Variants in TCERG1 observed in about 807,000 individuals in gnomAD.
The protein encoded by TCERG1 is transcription elongation regulator 1.
TCERG1 carries 37 observed loss-of-function variants against 144.7 expected under a neutral mutation model. That is an observed-to-expected ratio of 0.26 (90% CI 0.20 to 0.34). The LOEUF is 0.34. Among genes scored for constraint, TCERG1 ranks in the 10% least tolerant of loss-of-function variants. The pLI is 1.00. For missense variants in TCERG1, 1,027 were observed against 1,380.7 expected, an observed-to-expected ratio of 0.74 and a Z score of 4.06; for synonymous variants, 492 against 458.2, an observed-to-expected ratio of 1.07 and a Z score of -0.94.
At chr5:146,509,314 C>A in intron 22 of TCERG1, 69 bp downstream of exon 22, 2 of 1,002,896 alleles carry the variant, frequency 2.0e-6, no homozygotes, top group Non-Finnish European at 3.0e-6. Flanking sequence ...ATGGTCAGAG[C>A]ATTCTTTGCA....
In TCERG1 at chr5:146,480,023, T is replaced by C. The variant is rs755485622; in HGVS notation, c.1820-5T>C. The C allele has an allele frequency of 6.3e-7, 1 of 1,597,358 alleles. No individual in the cohort carries two copies. The highest frequency in any genetic ancestry group is 1.3e-5 in the African/African-American group (1 of 74,106). On this transcript the variant is annotated splice_polypyrimidine_tract_variant and splice_region_variant and intron_variant, in intron 11 of 22. Transcript: ENST00000679501. ...TAAATATTTTAATTAAATTTTGTCT[T>C]ATAGTTAAAGAGGAACAAGAATTAA...
At chr5:146,454,680 C>G (rs571287869) in intron 1 of TCERG1, among the ~76,000 whole-genome samples, 1 of 152,160 alleles carries the variant, frequency 6.6e-6, no homozygotes, top group African/African-American at 2.4e-5. Context: ...TCATTGCAAC[C>G]TCTGCCTTGC....
At chr5:146,477,559 A>G (rs1264235581) in intron 9 of TCERG1, among the ~76,000 whole-genome samples, 7 of 150,926 alleles carry the variant, frequency 4.6e-5, no homozygotes, top group Admixed American at 4.0e-4. Flanking sequence ...TTAAGACTAT[A>G]CTATACAGAG....
intron 16 of TCERG1, among the ~76,000 whole-genome samples, chr5:146,495,756 A>G (rs1766836239): frequency 6.6e-6 from 1 of 152,218 alleles, no homozygotes; most frequent in African/African-American, 2.4e-5. Context: ...TTAACACAAG[A>G]GAATGTTTTA....
rs567618518 is a variant in TCERG1 at position 146,449,589 on chromosome 5, G to A, written c.59+2181G>A. 2.0e-4 allele frequency among the ~76,000 whole-genome samples: 31 copies of A among 152,268 alleles called. No homozygotes were observed. In the East Asian group the frequency reaches 2.3e-3, roughly 11 times the overall value. Reference sequence around the variant, plus strand: ...TTCTTGCCCCTCCAGTTAAAGTATTGTCTTTAGCATTGGGGAGATTGCATA... The same window carrying A: ...TTCTTGCCCCTCCAGTTAAAGTATTATCTTTAGCATTGGGGAGATTGCATA... On this transcript the variant is annotated intron_variant, in intron 1 of 22. Coordinates refer to ENST00000679501, the MANE Select transcript of TCERG1 (RefSeq NM_001382548.1).
At chr5:146,498,201 G>T (rs1298811639) in intron 16 of TCERG1, among the ~76,000 whole-genome samples, 1 of 151,954 alleles carries the variant, frequency 6.6e-6, no homozygotes, top group African/African-American at 2.4e-5. Flanking sequence ...TATTATGGCT[G>T]GAGGAAGGAC....
At chr5:146,466,951 G>T (rs1763845966) in intron 5 of TCERG1, among the ~76,000 whole-genome samples, 1 of 152,200 alleles carries the variant, frequency 6.6e-6, no homozygotes, top group Non-Finnish European at 1.5e-5. Flanking sequence ...TGCTCCTGCA[G>T]ATGGCAGTAT....
At chr5:146,450,304 T>C (rs1762242958) in intron 1 of TCERG1, among the ~76,000 whole-genome samples, 2 of 152,126 alleles carry the variant, frequency 1.3e-5, no homozygotes, top group African/African-American at 4.8e-5. Flanking sequence ...GAGAAGGAGC[T>C]AGTTATGTGA....
In TCERG1 at chr5:146,455,233, G is replaced by A. The variant is rs139296611; in HGVS notation, c.237G>A (p.Met79Ile). 6.0e-5 allele frequency: 97 copies of A among 1,614,146 alleles called. No individual in the cohort carries two copies. The African/African-American group carries it at 1.2e-3, about 20-fold the overall frequency. The change falls in exon 2 of 23, where the codon ATG (methionine) becomes ATA (isoleucine). Residue 79 changes from methionine to isoleucine, a missense_variant. By Grantham distance (10) the Met-to-Ile change is conservative (BLOSUM62 1). Coordinates refer to ENST00000679501, the MANE Select transcript of TCERG1 (RefSeq NM_001382548.1). ...RPPFDPNMPP[M>I]PPPGGIPPPM... Reference sequence around the variant, plus strand: ...CTTTTGATCCTAATATGCCGCCAATGCCTCCTCCAGGAGGGATACCTCCAC... The same window carrying A: ...CTTTTGATCCTAATATGCCGCCAATACCTCCTCCAGGAGGGATACCTCCAC...
chr5:146,449,902 A>G (rs966014983), intron 1 of TCERG1, among the ~76,000 whole-genome samples: 4 of 152,108 alleles, frequency 2.6e-5, no homozygotes, highest in Admixed American at 6.5e-5. Flanking sequence ...TAAAATGAGA[A>G]TAAGAATATT....
At chr5:146,499,167 C>G (rs1261983565) in intron 17 of TCERG1, among the ~76,000 whole-genome samples, 2 of 152,128 alleles carry the variant, frequency 1.3e-5, no homozygotes, top group African/African-American at 2.4e-5. Flanking sequence ...TTCCAAATGT[C>G]ATTTGATAGC....
Position 146,507,642 on chromosome 5 carries a change from G to C in TCERG1, c.2962-231G>C. ...GCCCATGTAAATACAGGGTTTGCAG[G>C]TGATTGTCTTAGGCCACCTTGAAAG... On this transcript the variant is annotated intron_variant, in intron 20 of 22. Coordinates refer to ENST00000679501, the MANE Select transcript of TCERG1 (RefSeq NM_001382548.1). This position sits in a 1 kb window ranked among gnomAD's most constrained non-coding sequence, Gnocchi z 4.6. 1 of 400,870 alleles carries C rather than the reference G, an allele frequency of 2.5e-6. No individual in the cohort carries two copies. The highest frequency in any genetic ancestry group is 4.4e-6 in the Non-Finnish European group (1 of 227,426). The allele number at this position is 400,870 out of a possible 1,614,324, so 24.8% of individuals were successfully genotyped here.
At chr5:146,470,506 A>ATAT (rs74364139) in intron 7 of TCERG1, 130 bp from the exon 8 acceptor site, 171,190 of 711,374 alleles carry the variant, frequency 0.24, 28,931 homozygotes, top group East Asian at 0.86. Context: ...CAAATCAAAG[A>ATAT]TATAAGGAAA....
chr5:146,467,835 C>G (rs1763924185), intron 5 of TCERG1, among the ~76,000 whole-genome samples: 1 of 152,198 alleles, frequency 6.6e-6, no homozygotes, highest in Admixed American at 6.5e-5. Flanking sequence ...ACCTTACTTT[C>G]TTCCTCTCCT....
In TCERG1 at chr5:146,468,346, G is replaced by A. The variant is rs894313123; in HGVS notation, c.1141G>A (p.Ala381Thr). Reference sequence around the variant, plus strand: ...CTTGCTTATCCATTTTACAGGTGTAGCAATGATGCAAATAGTCAGCTGCCC... The same window carrying A: ...CTTGCTTATCCATTTTACAGGTGTAACAATGATGCAAATAGTCAGCTGCCC... ...PGMPIPLPGVAMMQIVSCPYV... is the reference protein window; with the variant it reads ...PGMPIPLPGVTMMQIVSCPYV... The change falls in exon 6 of 23, where the codon GCA becomes ACA. Residue 381 changes from alanine (A) to threonine (T), a missense_variant. Physicochemically the swap from Ala to Thr is moderately conservative, Grantham distance 58. Around this residue, in one of 6 missense-constraint regions of TCERG1, gnomAD observed 482 missense variants for 632.6 expected, o/e 0.76. Coordinates refer to ENST00000679501, the MANE Select transcript of TCERG1 (RefSeq NM_001382548.1). 1.2e-6 allele frequency: 2 copies of A among 1,608,180 alleles called. No homozygotes were observed. The highest frequency in any genetic ancestry group is 8.5e-7 in the Non-Finnish European group (1 of 1,177,202).
intron 5 of TCERG1, 85 bp downstream of exon 5, chr5:146,463,878 A>G: frequency 6.4e-7 from 1 of 1,564,724 alleles, no homozygotes. Context: ...TGCGTTTGAA[A>G]TTTGCCTTGA....
At chr5:146,468,492 C>A in intron 6 of TCERG1, 89 bp downstream of exon 6, 3 of 1,193,800 alleles carry the variant, frequency 2.5e-6, no homozygotes, top group Non-Finnish European at 3.6e-6. Context: ...ATTTTTTGCC[C>A]AAGTGAGTGG....
At chr5:146,510,252 C>A in intron 22 of TCERG1, 189 bp from the exon 23 acceptor site, 1 of 683,004 alleles carries the variant, frequency 1.5e-6, no homozygotes, top group Non-Finnish European at 2.3e-6. Flanking sequence ...CTTCTGAGGC[C>A]CTTTCACTCC....
In TCERG1 at chr5:146,510,712, A is replaced by G; in HGVS notation, c.*70A>G. 6.7e-7 allele frequency: 1 copy of G among 1,488,284 alleles called. No homozygotes were observed. Among genetic ancestry groups the G allele is most frequent in the South Asian group, 1.2e-5 (1 of 81,006 alleles). The allele number at this position is 1,488,284 out of a possible 1,614,324, so 92.2% of individuals were successfully genotyped here. On this transcript the variant is annotated 3_prime_UTR_variant, in exon 23 of 23. Transcript: ENST00000679501. ...TGAGCCAATTTTCAGGTTTTTACATATATGTGCATTAGTCAACCTATTGCG... is the reference window on the plus strand; with the variant it reads ...TGAGCCAATTTTCAGGTTTTTACATGTATGTGCATTAGTCAACCTATTGCG...
Sources: gnomAD v4.1 joint callset for allele counts (sites outside exome capture counted in the v4.1 genomes callset) on GRCh38, gnomAD v4.1.1 for gene constraint, gnomAD v4.1.1 regional missense constraint, Gnocchi (gnomAD v3.1) non-coding constraint, MANE v1.5 for transcripts, NCBI Gene and HGNC (gene_info 2026-07-23, HGNC 2026-07-21) for gene names.